The following HTR1F variants were observed in gnomAD, a reference collection of about 807,000 sequenced individuals.
The protein encoded by HTR1F is 5-hydroxytryptamine receptor 1F.
A neutral mutation model predicts 24.0 loss-of-function variants in HTR1F; 17 were observed. The ratio of observed to expected loss-of-function variants is 0.71; its 90% CI spans 0.48 to 1.06. HTR1F has a LOEUF of 1.06. Ranked by LOEUF, HTR1F falls within the 50% of genes least tolerant of loss-of-function variation. The pLI is 0.00. For synonymous variants in HTR1F, 186 were observed against 156.8 expected (o/e 1.19, Z -1.39); for missense variants, 391 against 427.8 (o/e 0.91, Z 0.76).
chr3:87,965,339 A>C (rs536191666), intron 2 of HTR1F, among the ~76,000 whole-genome samples: 4 of 152,332 alleles, frequency 2.6e-5, no homozygotes, highest in African/African-American at 9.6e-5. Context: ...GAGTCTAAAA[A>C]GATGTTTCAA....
intron 2 of HTR1F, among the ~76,000 whole-genome samples, chr3:87,867,921 G>A (rs1194881981): frequency 1.3e-5 from 2 of 152,028 alleles, no homozygotes; most frequent in Admixed American, 6.6e-5. Flanking sequence ...ATATTTAAAT[G>A]GTGATTCTGC....
chr3:87,850,660 A>C (rs1705065036), intron 2 of HTR1F, among the ~76,000 whole-genome samples: 1 of 151,866 alleles, frequency 6.6e-6, no homozygotes, highest in African/African-American at 2.4e-5. Flanking sequence ...ATATATTCAA[A>C]AATTAAGTAT....
At chr3:87,879,649 T>G (rs1207444671) in intron 2 of HTR1F, among the ~76,000 whole-genome samples, 1 of 152,194 alleles carries the variant, frequency 6.6e-6, no homozygotes, top group Non-Finnish European at 1.5e-5. Context: ...AATTCTTAAA[T>G]TTTTAGTTCA....
At chr3:87,881,662 A>G (rs949735569) in intron 2 of HTR1F, among the ~76,000 whole-genome samples, 1 of 152,332 alleles carries the variant, frequency 6.6e-6, no homozygotes, top group African/African-American at 2.4e-5. Flanking sequence ...GCCATATGTA[A>G]AAGGCTGAAA....
Position 87,799,380 on chromosome 3 carries a change from T to G in HTR1F, c.-160+6538T>G, listed in dbSNP as rs548608999. ...TATCATTTCTTTAAATTGAATCATATTTTAAAATAGCAATAAATAAAAATA... is the reference window on the plus strand; with the variant it reads ...TATCATTTCTTTAAATTGAATCATAGTTTAAAATAGCAATAAATAAAAATA... On this transcript the variant is annotated intron_variant, in intron 1 of 2. Coordinates refer to ENST00000319595, the MANE Select transcript of HTR1F (RefSeq NM_001322209.2). 3.9e-5 allele frequency among the ~76,000 whole-genome samples: 6 copies of G among 152,346 alleles called. No homozygotes were observed. The East Asian group carries it at 1.2e-3, about 29-fold the overall frequency.
intron 2 of HTR1F, among the ~76,000 whole-genome samples, chr3:87,951,507 G>T (rs939479693): frequency 2.0e-5 from 3 of 152,052 alleles, no homozygotes; most frequent in African/African-American, 7.2e-5. Flanking sequence ...TTTATTTTTA[G>T]AGCAGTTTTA....
At chr3:87,909,398 T>A (rs1703728930) in intron 2 of HTR1F, among the ~76,000 whole-genome samples, 1 of 152,022 alleles carries the variant, frequency 6.6e-6, no homozygotes. Context: ...TACACTTCCA[T>A]TAATGGTGAA....
At chr3:87,842,266 A>G (rs1275784853) in intron 2 of HTR1F, among the ~76,000 whole-genome samples, 2 of 151,488 alleles carry the variant, frequency 1.3e-5, no homozygotes, top group Non-Finnish European at 2.9e-5. Context: ...GGTTTAAGCA[A>G]TTCTCTGCCT....
At chr3:87,860,907 C>G (rs1403292669) in intron 2 of HTR1F, among the ~76,000 whole-genome samples, 1 of 152,164 alleles carries the variant, frequency 6.6e-6, no homozygotes, top group Non-Finnish European at 1.5e-5. Context: ...CCTGTAATCC[C>G]AGCACCTTGG....
chr3:87,809,316 C>T (rs1303434275), intron 1 of HTR1F, among the ~76,000 whole-genome samples: 3 of 151,802 alleles, frequency 2.0e-5, no homozygotes, highest in South Asian at 2.1e-4. Context: ...CACTCTTAAT[C>T]GTGCAAACCA....
chr3:87,960,334 A>G (rs1705034371), intron 2 of HTR1F, among the ~76,000 whole-genome samples: 1 of 152,026 alleles, frequency 6.6e-6, no homozygotes, highest in South Asian at 2.1e-4. Context: ...TGTAAGTATC[A>G]GAAAATAGTA....
chr3:87,908,281 T>C (rs1455035309), intron 2 of HTR1F, among the ~76,000 whole-genome samples: 1 of 151,998 alleles, frequency 6.6e-6, no homozygotes, highest in Non-Finnish European at 1.5e-5. Flanking sequence ...AGAAGTAGAT[T>C]GATATCACTT....
intron 1 of HTR1F, among the ~76,000 whole-genome samples, chr3:87,806,830 G>T (rs1602152): frequency 1.3e-5 from 2 of 151,692 alleles, no homozygotes; most frequent in Non-Finnish European, 2.9e-5. Context: ...ATGGTGAGAG[G>T]TATGAATTTA....
intron 2 of HTR1F, among the ~76,000 whole-genome samples, chr3:87,962,008 T>C (rs1250970481): frequency 6.6e-6 from 1 of 152,096 alleles, no homozygotes; most frequent in Non-Finnish European, 1.5e-5. Context: ...AACTGAGAAT[T>C]CTTATTCTTT....
intron 2 of HTR1F, among the ~76,000 whole-genome samples, chr3:87,932,521 A>C (rs932442331): frequency 6.6e-5 from 10 of 152,004 alleles, no homozygotes; most frequent in African/African-American, 2.4e-4. Context: ...TTGACTTGGC[A>C]ATGTGGGCTC....
intron 2 of HTR1F, among the ~76,000 whole-genome samples, chr3:87,860,292 G>T (rs1339650928): frequency 6.6e-6 from 1 of 152,054 alleles, no homozygotes. Context: ...ACTTACTATA[G>T]CAATTGATAA....
chr3:87,936,112 A>T (rs924037472), intron 2 of HTR1F, among the ~76,000 whole-genome samples: 1 of 152,188 alleles, frequency 6.6e-6, no homozygotes, highest in Non-Finnish European at 1.5e-5. Context: ...GGCCTCCCAA[A>T]GTGCTGGGAT....
chr3:87,961,085 G>A (rs893093094), intron 2 of HTR1F, among the ~76,000 whole-genome samples: 2 of 151,946 alleles, frequency 1.3e-5, no homozygotes, highest in African/African-American at 4.8e-5. Context: ...GTTCCCCTAT[G>A]AGAGATGTCC....
chr3:87,932,532 T>A (rs1704305617), intron 2 of HTR1F, among the ~76,000 whole-genome samples: 1 of 152,118 alleles, frequency 6.6e-6, no homozygotes. Context: ...ATGTGGGCTC[T>A]TTTTTGGTTC....
Sources: allele counts gnomAD v4.1 joint callset (sites outside exome capture counted in the v4.1 genomes callset), GRCh38; gene constraint gnomAD v4.1.1; transcripts MANE v1.5; gene names NCBI Gene and HGNC (gene_info 2026-07-23, HGNC 2026-07-21).